The following COL27A1 variants were observed in gnomAD, a reference collection of about 807,000 sequenced individuals.
The protein encoded by COL27A1 is collagen alpha-1(XXVII) chain.
Under a neutral mutation model 251.3 loss-of-function variants are expected in COL27A1, and 106 were observed. The observed-to-expected ratio is 0.42, with a 90% CI of 0.36 to 0.50. The LOEUF is 0.50. COL27A1 is among the 20% of genes least tolerant of loss of function. The pLI, the probability that COL27A1 is intolerant of heterozygous loss-of-function variation, is 0.00. For missense variants in COL27A1, 2,325 were observed against 2,522.8 expected (o/e 0.92, Z 1.68); for synonymous variants, 1,000 against 986.3 (o/e 1.01, Z -0.26).
At chr9:114,202,340 G>T (rs1018719342) in intron 7 of COL27A1, among the ~76,000 whole-genome samples, 1 of 152,174 alleles carries the variant, frequency 6.6e-6, no homozygotes, top group South Asian at 2.1e-4. Context: ...TTCTCTTGGG[G>T]TTCTTGCCCT....
chr9:114,288,648 C>T, intron 42 of COL27A1, 54 bp from the exon 43 acceptor site: 1 of 1,581,458 alleles, frequency 6.3e-7, no homozygotes, highest in South Asian at 1.1e-5. Flanking sequence ...GGGCCCAGGG[C>T]TGGCATCCTT....
chr9:114,178,210 G>A (rs1000437819), intron 3 of COL27A1, 81 bp from the exon 4 acceptor site: 7 of 1,180,444 alleles, frequency 5.9e-6, no homozygotes, highest in African/African-American at 3.0e-5. Context: ...AGCTGCAGGC[G>A]GGATTGTTGA....
In COL27A1 at chr9:114,310,825, C is replaced by A; in HGVS notation, c.*130C>A. 1 of 871,282 alleles carries A rather than the reference C, an allele frequency of 1.1e-6. No individual in the cohort carries two copies. Among genetic ancestry groups the A allele is most frequent in the Non-Finnish European group, 1.8e-6 (1 of 571,344 alleles). The allele number at this position is 871,282 out of a possible 1,614,324, so 54.0% of individuals were successfully genotyped here. On this transcript the variant is annotated 3_prime_UTR_variant, in exon 61 of 61. Transcript: ENST00000356083. ...CCAAGGGTCCTTGGGCAGACCCCAGCTGTTGTCTGCCCAGTAGAAGTGGGT... is the reference window on the plus strand; with the variant it reads ...CCAAGGGTCCTTGGGCAGACCCCAGATGTTGTCTGCCCAGTAGAAGTGGGT...
upstream of COL27A1, among the ~76,000 whole-genome samples, chr9:114,154,429 G>T (rs1246268630): frequency 6.6e-6 from 1 of 151,120 alleles, no homozygotes; most frequent in African/African-American, 2.4e-5. The surrounding 1 kb of genome is among the most constrained non-coding windows in gnomAD (Gnocchi z 5.8). Flanking sequence ...GTGTGCGCGC[G>T]CCTAAAGGTG....
At chr9:114,213,773 T>C (rs1418248994) in intron 12 of COL27A1, among the ~76,000 whole-genome samples, 3 of 152,202 alleles carry the variant, frequency 2.0e-5, no homozygotes, top group Non-Finnish European at 4.4e-5. Context: ...ATGAGAAAAC[T>C]GAGGCTTAGA....
chr9:114,172,046 G>A (rs889202952), intron 3 of COL27A1, among the ~76,000 whole-genome samples: 4 of 152,174 alleles, frequency 2.6e-5, no homozygotes, highest in Non-Finnish European at 5.9e-5. Context: ...AGGACAAGGG[G>A]AAGACACCAA....
At chr9:114,222,315 A>C in intron 14 of COL27A1, 48 bp downstream of exon 14, 2 of 1,562,476 alleles carry the variant, frequency 1.3e-6, no homozygotes, top group Non-Finnish European at 1.8e-6. Context: ...GAGGAGACTC[A>C]GGGTGGAGCC....
At chr9:114,159,505 A>G (rs2135003703) in intron 1 of COL27A1, among the ~76,000 whole-genome samples, 1 of 152,352 alleles carries the variant, frequency 6.6e-6, no homozygotes, top group Non-Finnish European at 1.5e-5. Context: ...GAGATGGAAC[A>G]GAAATAAATG....
At chr9:114,301,403 C>G in intron 53 of COL27A1, 42 bp from the exon 54 acceptor site, 1 of 1,612,474 alleles carries the variant, frequency 6.2e-7, no homozygotes, top group Admixed American at 1.7e-5. Context: ...CATGGCTCAG[C>G]CAGGTTCCCT....
intron 41 of COL27A1, among the ~76,000 whole-genome samples, chr9:114,286,625 T>C (rs1827512683): frequency 6.6e-6 from 1 of 152,110 alleles, no homozygotes; most frequent in Non-Finnish European, 1.5e-5. Context: ...TGCTAAAAAA[T>C]GATATACCTA....
intron 36 of COL27A1, chr9:114,272,092 G>C (rs1330787275): frequency 1.3e-5 from 2 of 152,236 alleles, no homozygotes; most frequent in Admixed American, 1.3e-4. Context: ...GCTGATGAAG[G>C]TCATGGCTAA....
In COL27A1 at chr9:114,209,677, C is replaced by CCCT. The variant is rs748986685; in HGVS notation, c.2271_2272insCCT (p.Gly757_Tyr758insPro). On this transcript the variant is annotated inframe_insertion, in exon 11 of 61. Transcript: ENST00000356083. ...ACCCCCTTTCTTCTCTTTCCTAGGG[C>CCCT]TACATTGGGCTCCCAGGGCTCTTCG... The CCCT allele has an allele frequency of 4.3e-6, 7 of 1,614,142 alleles. No homozygotes were observed. The highest frequency in any genetic ancestry group is 5.9e-6 in the Non-Finnish European group (7 of 1,179,988).
intron 23 of COL27A1, among the ~76,000 whole-genome samples, chr9:114,243,989 A>G (rs1468488684): frequency 1.4e-5 from 2 of 144,966 alleles, no homozygotes; most frequent in Non-Finnish European, 1.5e-5. Context: ...GCAGTGGTGC[A>G]ATCTCAGCTC....
intron 7 of COL27A1, 126 bp downstream of exon 7, chr9:114,196,138 T>C (rs111605319): frequency 0.012 from 10,299 of 831,188 alleles, 287 homozygotes; most frequent in African/African-American, 0.086. Flanking sequence ...GGGCACAGGG[T>C]ACATGGGTGA....
intron 7 of COL27A1, among the ~76,000 whole-genome samples, chr9:114,202,965 T>G (rs1477812076): frequency 2.0e-5 from 3 of 152,236 alleles, no homozygotes; most frequent in African/African-American, 7.2e-5. Context: ...TTAAAAAGCA[T>G]ATAACATAAA....
At chr9:114,175,100 G>A (rs939086445) in intron 3 of COL27A1, among the ~76,000 whole-genome samples, 3 of 152,288 alleles carry the variant, frequency 2.0e-5, no homozygotes, top group African/African-American at 7.2e-5. Context: ...GTAGGATGGG[G>A]TTCCCCTAGA....
At chr9:114,231,008 G>T (rs1831904295) in intron 14 of COL27A1, 71 bp from the exon 15 acceptor site, 1 of 1,357,028 alleles carries the variant, frequency 7.4e-7, no homozygotes, top group East Asian at 2.3e-5. Context: ...CTTGGGGATT[G>T]TCCCCACCAC....
intron 16 of COL27A1, among the ~76,000 whole-genome samples, chr9:114,233,397 T>G (rs1832101592): frequency 6.6e-6 from 1 of 151,868 alleles, no homozygotes; most frequent in African/African-American, 2.4e-5. Flanking sequence ...ACCTCTTCCA[T>G]CTCCTCCTGT....
intron 5 of COL27A1, among the ~76,000 whole-genome samples, chr9:114,183,969 G>C (rs1012806521): frequency 6.6e-6 from 1 of 152,214 alleles, no homozygotes; most frequent in East Asian, 1.9e-4. Context: ...TTGGAAGTGA[G>C]AAACTCAGAG....
Sources: gnomAD v4.1 joint callset for allele counts (sites outside exome capture counted in the v4.1 genomes callset) on GRCh38, gnomAD v4.1.1 for gene constraint, Gnocchi (gnomAD v3.1) non-coding constraint, MANE v1.5 for transcripts, NCBI Gene and HGNC (gene_info 2026-07-23, HGNC 2026-07-21) for gene names.